LDB2: variants seen among roughly 807,000 people sequenced by gnomAD.
LDB2 encodes the protein LIM domain binding 2, also known as LIM domain-binding protein 2.
A neutral mutation model predicts 44.3 loss-of-function variants in LDB2; 12 were observed. The observed-to-expected ratio is 0.27, with a 90% CI of 0.17 to 0.44. The LOEUF (loss-of-function observed/expected upper bound fraction) is 0.44, where lower values mean the gene tolerates loss of function less well. Ranked by LOEUF, LDB2 falls within the 20% of genes least tolerant of loss-of-function variation. The probability of loss-of-function intolerance (pLI) is 1.00; values close to 1 mark genes in which losing one functional copy is unlikely to be tolerated. For synonymous variants in LDB2, 164 were observed against 174.8 expected (o/e 0.94, Z 0.49); for missense variants, 344 against 473.5 (o/e 0.73, Z 2.54).
intron 2 of LDB2, among the ~76,000 whole-genome samples, chr4:16,718,365 G>A (rs1305546633): frequency 1.3e-5 from 2 of 152,110 alleles, no homozygotes; most frequent in African/African-American, 4.8e-5. Flanking sequence ...AATATGTCGA[G>A]TCTAATGCAA....
chr4:16,753,783 C>A (rs1382629436), intron 2 of LDB2, among the ~76,000 whole-genome samples: 1 of 152,142 alleles, frequency 6.6e-6, no homozygotes, highest in African/African-American at 2.4e-5. Context: ...ACTGGGACCC[C>A]TAGCCCCAAA....
At chr4:16,877,467 G>A (rs1322237407) in intron 1 of LDB2, among the ~76,000 whole-genome samples, 6 of 152,158 alleles carry the variant, frequency 3.9e-5, no homozygotes, top group African/African-American at 1.4e-4. Context: ...AACTAACTGG[G>A]AAAGTCAATG....
At chr4:16,563,781 T>C (rs12508513) in intron 5 of LDB2, among the ~76,000 whole-genome samples, 7,531 of 151,986 alleles carry the variant, frequency 0.05, 254 homozygotes, top group East Asian at 0.2. Context: ...TAAACCAGCA[T>C]AGCAGAAAGA....
intron 5 of LDB2, among the ~76,000 whole-genome samples, chr4:16,512,378 C>A (rs1457374319): frequency 6.6e-6 from 1 of 152,056 alleles, no homozygotes; most frequent in East Asian, 1.9e-4. Flanking sequence ...ACACACACAC[C>A]TGTACAGACA....
intron 5 of LDB2, among the ~76,000 whole-genome samples, chr4:16,559,390 AC>A (rs1255617148): frequency 3.9e-5 from 6 of 152,020 alleles, no homozygotes; most frequent in Non-Finnish European, 7.3e-5. Flanking sequence ...CCAATGGAAA[AC>A]AAAAAAAAGG....
In LDB2 at chr4:16,797,185, G is replaced by A. The variant is rs557598778; in HGVS notation, c.133-37925C>T. On this transcript the variant is annotated intron_variant, in intron 1 of 7. Transcript: ENST00000304523. ...ACCACATAGACGAAAAGGTCAGCCC[G>A]CCCTGTATGAGGGCTTTTCATCTCA... 1.2e-3 allele frequency among the ~76,000 whole-genome samples: 183 copies of A among 152,246 alleles called. 2 individuals carry two copies. The highest frequency in any genetic ancestry group is 6.8e-3 in the Middle Eastern group (2 of 294).
chr4:16,877,647 C>T (rs1357504108), intron 1 of LDB2, among the ~76,000 whole-genome samples: 1 of 152,158 alleles, frequency 6.6e-6, no homozygotes, highest in East Asian at 1.9e-4. Flanking sequence ...TAGCCATACA[C>T]ATACATATAT....
At position 16,560,273 on chromosome 4, in the gene LDB2, C is replaced by T. The variant is rs115388588; in HGVS notation, c.615+25649G>A. Reference sequence around the variant, plus strand: ...AAACCCTTAAAAAATTAATGAATCCCGGGGCTGGTTTTTTGAAAGGATCAA... The same window carrying T: ...AAACCCTTAAAAAATTAATGAATCCTGGGGCTGGTTTTTTGAAAGGATCAA... On this transcript the variant is annotated intron_variant, in intron 5 of 7. Transcript: ENST00000304523. Among the ~76,000 whole-genome samples the T allele has an allele frequency of 3.5e-3, 530 of 151,976 alleles. 3 individuals are homozygous for T. The highest frequency in any genetic ancestry group is 0.012 in the African/African-American group (497 of 41,464).
rs528804593 is a variant in LDB2, at chr4:16,789,170, A to G, written c.133-29910T>C. 5.9e-5 allele frequency among the ~76,000 whole-genome samples: 9 copies of G among 152,334 alleles called. No homozygotes were observed. In the South Asian group the frequency reaches 1.0e-3, roughly 18 times the overall value. On this transcript the variant is annotated intron_variant, in intron 1 of 7. Coordinates refer to ENST00000304523, the MANE Select transcript of LDB2 (RefSeq NM_001290.5). Reference sequence around the variant, plus strand: ...AGAGAATCTACTGGAAGGATGATGCATATGGCAGAGCCATCAGACACCAGG... The same window carrying G: ...AGAGAATCTACTGGAAGGATGATGCGTATGGCAGAGCCATCAGACACCAGG...
Position 16,898,379 on chromosome 4 carries a change from T to C in LDB2, c.107A>G (p.Asn36Ser). ...CTCTGTGCGAGACTGCAGTCTCTTGTTCATCTCATAGATTCGGTACTCTGG... is the reference window on the plus strand; with the variant it reads ...CTCTGTGCGAGACTGCAGTCTCTTGCTCATCTCATAGATTCGGTACTCTGG... ...VQPEYRIYEMNKRLQSRTEDS... is the reference protein window; with the variant it reads ...VQPEYRIYEMSKRLQSRTEDS... Residue 36 changes from asparagine (N) to serine (S), a missense_variant, in exon 1 of 8, where the codon AAC becomes AGC. By Grantham distance (46) the Asn-to-Ser change is conservative (BLOSUM62 1). This residue lies in a region of LDB2 where 226 missense variants were observed against 270.1 expected (regional missense o/e 0.84). Transcript: ENST00000304523. 2 of 1,613,834 alleles carry C rather than the reference T, an allele frequency of 1.2e-6. No homozygotes were observed. Among genetic ancestry groups the C allele is most frequent in the Non-Finnish European group, 1.7e-6 (2 of 1,179,874 alleles).
intron 1 of LDB2, among the ~76,000 whole-genome samples, chr4:16,799,947 C>A (rs1406715708): frequency 1.3e-5 from 2 of 152,106 alleles, no homozygotes; most frequent in Non-Finnish European, 2.9e-5. Context: ...ACCTGGCAAC[C>A]CTACATATAG....
intron 2 of LDB2, among the ~76,000 whole-genome samples, chr4:16,663,188 C>T (rs1742083818): frequency 6.6e-6 from 1 of 152,136 alleles, no homozygotes; most frequent in Non-Finnish European, 1.5e-5. Flanking sequence ...ATGGTTCACT[C>T]TAAAGTGAAT....
In LDB2 at chr4:16,560,638, A is replaced by G. The variant is rs545389591; in HGVS notation, c.615+25284T>C. On this transcript the variant is annotated intron_variant, in intron 5 of 7. Transcript: ENST00000304523. ...TTCACAGCCGAATTCTACCAGAGGT[A>G]CAAGGAGGAACTGGTAGCATTCCTT... is the stretch of plus-strand genomic sequence containing the variant. Among the ~76,000 whole-genome samples, 7 of 152,354 alleles carry G rather than the reference A, an allele frequency of 4.6e-5. No homozygotes were observed. In the South Asian group the frequency reaches 1.0e-3, roughly 23 times the overall value.
intron 2 of LDB2, among the ~76,000 whole-genome samples, chr4:16,693,579 ACTC>A (rs770044428): frequency 2.7e-5 from 4 of 150,504 alleles, no homozygotes; most frequent in African/African-American, 9.8e-5. Flanking sequence ...CTGGTCTTGA[ACTC>A]CTGACCTCGT....
At chr4:16,833,422 C>T (rs961841840) in intron 1 of LDB2, among the ~76,000 whole-genome samples, 5 of 152,086 alleles carry the variant, frequency 3.3e-5, no homozygotes, top group African/African-American at 1.2e-4. Flanking sequence ...TTTTCCTTTG[C>T]CTTTTATTCC....
intron 1 of LDB2, among the ~76,000 whole-genome samples, chr4:16,824,227 GT>G (rs1782631915): frequency 6.6e-6 from 1 of 152,204 alleles, no homozygotes. Flanking sequence ...GTGTATGTGT[GT>G]GTGTGTGTGT....
chr4:16,878,155 G>A (rs1461084786), intron 1 of LDB2, among the ~76,000 whole-genome samples: 5 of 152,204 alleles, frequency 3.3e-5, no homozygotes, highest in Admixed American at 3.3e-4. Context: ...AGCAGAGGCA[G>A]AGGAGGCCAT....
chr4:16,713,177 T>A (rs1157829047), intron 2 of LDB2, among the ~76,000 whole-genome samples: 1 of 152,174 alleles, frequency 6.6e-6, no homozygotes, highest in Non-Finnish European at 1.5e-5. Context: ...AATAGTTGAC[T>A]TGGGCTAGAA....
intron 1 of LDB2, among the ~76,000 whole-genome samples, chr4:16,788,644 A>G (rs1285735078): frequency 1.3e-5 from 2 of 152,238 alleles, no homozygotes; most frequent in Non-Finnish European, 2.9e-5. Context: ...AGTACCCAGC[A>G]TGATAGCAGA....
Sources: allele counts gnomAD v4.1 joint callset (sites outside exome capture counted in the v4.1 genomes callset), GRCh38; gene constraint gnomAD v4.1.1; regional missense constraint gnomAD v4.1.1; transcripts MANE v1.5; gene names NCBI Gene and HGNC (gene_info 2026-07-23, HGNC 2026-07-21).